DCC: variants seen among roughly 807,000 people sequenced by gnomAD.
DCC encodes DCC netrin 1 receptor, also known as netrin receptor DCC.
In DCC, 58 loss-of-function variants were observed where a neutral mutation model predicts 172.5. The ratio of observed to expected loss-of-function variants is 0.34; its 90% CI spans 0.27 to 0.42. The LOEUF is 0.42. DCC is among the 10% of genes least tolerant of loss of function. DCC has a pLI of 1.00. For synonymous variants in DCC, 709 were observed against 644.5 expected, an observed-to-expected ratio of 1.10 and a Z score of -1.52; for missense variants, 1,740 against 1,791.0, an observed-to-expected ratio of 0.97 and a Z score of 0.51.
chr18:52,642,417 G>A (rs1389473195), intron 1 of DCC, among the ~76,000 whole-genome samples: 1 of 151,964 alleles, frequency 6.6e-6, no homozygotes, highest in African/African-American at 2.4e-5. Flanking sequence ...CAAATCACCA[G>A]TAAAGAACTT....
In DCC at chr18:53,530,664, T is replaced by C. The variant is rs776086736; in HGVS notation, c.*11T>C. 8 of 1,450,862 alleles carry C rather than the reference T, an allele frequency of 5.5e-6. No homozygotes were observed. Among genetic ancestry groups the C allele is most frequent in the South Asian group, 4.6e-5 (4 of 87,904 alleles). The allele number at this position is 1,450,862 out of a possible 1,614,324, so 89.9% of individuals were successfully genotyped here. Reference sequence around the variant, plus strand: ...GGCTCAGCCTTTTAACATGTATTTCTGAATGGATGAGGTGAATTTTCCGGG... The same window carrying C: ...GGCTCAGCCTTTTAACATGTATTTCCGAATGGATGAGGTGAATTTTCCGGG... On this transcript the variant is annotated 3_prime_UTR_variant, in exon 29 of 29. Coordinates refer to ENST00000442544, the MANE Select transcript of DCC (RefSeq NM_005215.4).
intron 2 of DCC, among the ~76,000 whole-genome samples, chr18:52,770,491 C>A (rs367818203): frequency 5.4e-4 from 82 of 152,302 alleles, no homozygotes; most frequent in African/African-American, 1.7e-3. Context: ...TAGCACATGC[C>A]TTCCTCACTA....
chr18:53,215,872 T>A (rs960590855), intron 12 of DCC, among the ~76,000 whole-genome samples: 9 of 152,200 alleles, frequency 5.9e-5, no homozygotes, highest in Non-Finnish European at 1.0e-4. Context: ...CAAAGGCTAT[T>A]CCATAAGGAA....
At chr18:52,365,033 C>CA (rs60085981) in intron 1 of DCC, among the ~76,000 whole-genome samples, 13,058 of 149,300 alleles carry the variant, frequency 0.087, 797 homozygotes, top group African/African-American at 0.18. Flanking sequence ...TTTTAGGAGA[C>CA]AAAAAAAAAT....
chr18:53,282,794 T>A (rs1187270127), intron 12 of DCC, among the ~76,000 whole-genome samples: 1 of 152,192 alleles, frequency 6.6e-6, no homozygotes. Context: ...AGCCTCATGT[T>A]ATTGAATATG....
At chr18:52,574,189 A>G (rs2144764003) in intron 1 of DCC, among the ~76,000 whole-genome samples, 2 of 152,288 alleles carry the variant, frequency 1.3e-5, no homozygotes. Context: ...TATATTGATT[A>G]TATGCTTCCG....
intron 1 of DCC, among the ~76,000 whole-genome samples, chr18:52,511,798 T>A (rs571745225): frequency 6.6e-6 from 1 of 152,226 alleles, no homozygotes; most frequent in Non-Finnish European, 1.5e-5. Context: ...TTAGGACTAA[T>A]TAGAAATGTG....
At chr18:52,423,432 C>T (rs1215189106) in intron 1 of DCC, among the ~76,000 whole-genome samples, 2 of 152,104 alleles carry the variant, frequency 1.3e-5, no homozygotes, top group Admixed American at 6.6e-5. Context: ...CACCTGCTTC[C>T]TATCCTCGGG....
chr18:52,635,181 G>A (rs1463247022), intron 1 of DCC, among the ~76,000 whole-genome samples: 1 of 152,078 alleles, frequency 6.6e-6, no homozygotes, highest in East Asian at 1.9e-4. Flanking sequence ...AAATGTTATA[G>A]CTATTCTTCT....
chr18:52,861,184 A>C (rs2145361476), intron 2 of DCC, among the ~76,000 whole-genome samples: 1 of 152,256 alleles, frequency 6.6e-6, no homozygotes, highest in South Asian at 2.1e-4. Context: ...GAGGTTTCAA[A>C]ATATCTTGAG....
At position 53,281,312 on chromosome 18, in the gene DCC, C is replaced by G. The variant is rs2056869005; in HGVS notation, c.1912-24266C>G. On this transcript the variant is annotated intron_variant, in intron 12 of 28. Coordinates refer to ENST00000442544, the MANE Select transcript of DCC (RefSeq NM_005215.4). ...GGTTTAAGATATTATCCAACATTTT[C>G]TCTCTAACTAAATTTGATATGTCAT... 3.9e-5 allele frequency among the ~76,000 whole-genome samples: 6 copies of G among 152,104 alleles called. No individual in the cohort carries two copies. In the South Asian group the frequency reaches 1.2e-3, roughly 31 times the overall value.
chr18:52,909,085 A>G (rs990763766), intron 3 of DCC, among the ~76,000 whole-genome samples: 7 of 149,778 alleles, frequency 4.7e-5, no homozygotes, highest in African/African-American at 1.5e-4. Context: ...GAGTGAGTGC[A>G]TGAATGAATG....
intron 5 of DCC, among the ~76,000 whole-genome samples, chr18:53,031,594 A>G (rs1256355024): frequency 6.6e-6 from 1 of 152,128 alleles, no homozygotes; most frequent in Non-Finnish European, 1.5e-5. Flanking sequence ...ATAAAATTTG[A>G]GTGAAAAAAA....
intron 1 of DCC, among the ~76,000 whole-genome samples, chr18:52,358,486 T>C (rs117450217): frequency 0.011 from 1,618 of 152,334 alleles, 14 homozygotes; most frequent in Non-Finnish European, 0.017. Context: ...AGAGTACTTA[T>C]AAAATCATTT....
intron 2 of DCC, among the ~76,000 whole-genome samples, chr18:52,882,900 G>A (rs758384559): frequency 6.6e-5 from 10 of 151,992 alleles, no homozygotes; most frequent in Non-Finnish European, 1.0e-4. Context: ...TTCCTTTAGC[G>A]CTAACAGTAT....
At chr18:53,364,810 A>G (rs1320558350) in intron 15 of DCC, among the ~76,000 whole-genome samples, 5 of 152,170 alleles carry the variant, frequency 3.3e-5, no homozygotes, top group Non-Finnish European at 7.4e-5. Flanking sequence ...GGGCTTGTAA[A>G]GGTGTCCTAA....
At chr18:52,523,726 C>A (rs1340644744) in intron 1 of DCC, among the ~76,000 whole-genome samples, 2 of 152,156 alleles carry the variant, frequency 1.3e-5, no homozygotes, top group African/African-American at 4.8e-5. Flanking sequence ...TATGCATTAA[C>A]ATATGTTCAT....
intron 5 of DCC, among the ~76,000 whole-genome samples, chr18:53,041,369 T>C (rs1367073321): frequency 1.3e-5 from 2 of 152,046 alleles, no homozygotes; most frequent in African/African-American, 2.4e-5. Flanking sequence ...GTTCCATCTG[T>C]TTATATATCT....
chr18:53,159,031 T>C (rs1568337535), intron 8 of DCC, among the ~76,000 whole-genome samples: 1 of 147,594 alleles, frequency 6.8e-6, no homozygotes, highest in African/African-American at 2.6e-5. Context: ...ATACCCATAT[T>C]GCCTTGTGCT....
Sources: gnomAD v4.1 joint callset for allele counts (sites outside exome capture counted in the v4.1 genomes callset) on GRCh38, gnomAD v4.1.1 for gene constraint, MANE v1.5 for transcripts, NCBI Gene and HGNC (gene_info 2026-07-23, HGNC 2026-07-21) for gene names.